CREBRF: variants seen among roughly 807,000 people sequenced by gnomAD.
The protein encoded by CREBRF is UPF0474 protein C5orf41.
CREBRF carries 5 observed loss-of-function variants against 66.1 expected under a neutral mutation model. That is an observed-to-expected ratio of 0.08 (90% confidence interval 0.04 to 0.16). The LOEUF is 0.16. Ranked by LOEUF, CREBRF falls within the 10% of genes least tolerant of loss-of-function variation. The pLI is 1.00. For synonymous variants in CREBRF, 229 were observed against 264.4 expected (o/e 0.87, Z 1.30); for missense variants, 531 against 744.9 (o/e 0.71, Z 3.34).
At chr5:173,118,598 A>G (rs926632432) in intron 7 of CREBRF, among the ~76,000 whole-genome samples, 2 of 152,172 alleles carry the variant, frequency 1.3e-5, no homozygotes, top group Non-Finnish European at 2.9e-5. Flanking sequence ...TACATTGAAA[A>G]GACTTTCCCT....
chr5:173,104,259 A>G (rs899222580), intron 4 of CREBRF, among the ~76,000 whole-genome samples: 2 of 152,222 alleles, frequency 1.3e-5, no homozygotes, highest in African/African-American at 2.4e-5. Flanking sequence ...GGGTAAAACC[A>G]TATCTCACGG....
rs1758288400 is a variant in CREBRF at position 173,090,273 on chromosome 5, C to T, written c.136-42C>T. The stretch of plus-strand genomic sequence containing the variant: ...GACATATGGAGGTGAATATTTCCTT[C>T]TGAAATATGATGTGCAATTTCTTTT... On this transcript the variant is annotated intron_variant, in intron 3 of 8. Transcript: ENST00000296953. The surrounding 1 kb of genome is among the most constrained non-coding windows in gnomAD (Gnocchi z 4.5). The T allele has an allele frequency of 6.7e-7, 1 of 1,487,518 alleles. No homozygotes were observed. Among genetic ancestry groups the T allele is most frequent in the Non-Finnish European group, 9.1e-7 (1 of 1,094,084 alleles). 92.1% of individuals were successfully genotyped at this position (1,487,518 alleles called of 1,614,324 possible).
At chr5:173,094,164 A>G (rs185054434) in intron 4 of CREBRF, among the ~76,000 whole-genome samples, 156 of 152,038 alleles carry the variant, frequency 1.0e-3, no homozygotes, top group African/African-American at 3.6e-3. Flanking sequence ...TAACTCTCAC[A>G]TTTTCTTTAT....
chr5:173,090,752 G>A lies in CREBRF; in HGVS notation c.573G>A (p.Leu191=). The change falls in exon 4 of 9, where the codon CTG becomes CTA. Residue 191 remains leucine, a synonymous_variant. Transcript: ENST00000296953. The surrounding 1 kb of genome is among the most constrained non-coding windows in gnomAD (Gnocchi z 4.5). ...CTCCTGTGTGTTCTTCTAAGACTCT[G>A]CAGGCTGAGGTCCCTTTGTCAGACT... ...AAAPVCSSKT[L]QAEVPLSDCV... is the part of the protein sequence containing the mutation. 1 of 1,614,126 alleles carries A rather than the reference G, an allele frequency of 6.2e-7. No individual in the cohort carries two copies. The highest frequency in any genetic ancestry group is 8.5e-7 in the Non-Finnish European group (1 of 1,180,016).
At chr5:173,087,812 G>A (rs1169787937) in intron 3 of CREBRF, among the ~76,000 whole-genome samples, 2 of 152,022 alleles carry the variant, frequency 1.3e-5, no homozygotes, top group Non-Finnish European at 2.9e-5. Context: ...TTTAAACATT[G>A]CTTTTATTTA....
Position 173,059,351 on chromosome 5 carries a change from G to A in CREBRF, c.-192+2872G>A, listed in dbSNP as rs920424901. On this transcript the variant is annotated intron_variant, in intron 1 of 8. Coordinates refer to ENST00000296953, the MANE Select transcript of CREBRF (RefSeq NM_153607.3). ...AAGATCTCGGCTCACTGCAATCTCCGCCTCCCGGGTTCAAGCAATTCTCCT... is the reference window on the plus strand; with the variant it reads ...AAGATCTCGGCTCACTGCAATCTCCACCTCCCGGGTTCAAGCAATTCTCCT... 3.7e-5 allele frequency among the ~76,000 whole-genome samples: 5 copies of A among 136,516 alleles called. No individual in the cohort carries two copies. In the East Asian group the frequency reaches 8.4e-4, roughly 23 times the overall value. The allele number at this position is 136,516 out of a possible 152,430, so 89.6% of individuals were successfully genotyped here. A position where few individuals can be genotyped will look rare whatever the true frequency, so the allele number is the denominator to read the frequency against.
rs1176551021 is a variant in CREBRF, at chr5:173,056,443, A to G, written c.-228A>G. ...GAGGGGCCGTGGCCCCTGCAGCGGA[A>G]CCGGACCCAGTCCCTGAGCCGCCCC... On this transcript the variant is annotated 5_prime_UTR_variant, in exon 1 of 9. Coordinates refer to ENST00000296953, the MANE Select transcript of CREBRF (RefSeq NM_153607.3). The G allele has an allele frequency of 1.3e-5, 5 of 398,126 alleles. No homozygotes were observed. The highest frequency in any genetic ancestry group is 4.4e-5 in the Admixed American group (1 of 22,712). The allele number at this position is 398,126 out of a possible 1,614,324, so 24.7% of individuals were successfully genotyped here.
intron 1 of CREBRF, among the ~76,000 whole-genome samples, chr5:173,059,178 T>G (rs1271368464): frequency 6.6e-6 from 1 of 152,026 alleles, no homozygotes; most frequent in Non-Finnish European, 1.5e-5. Flanking sequence ...AATCCCTGAT[T>G]ATTTGATAAA....
At chr5:173,092,642 C>T (rs1312211245) in intron 4 of CREBRF, among the ~76,000 whole-genome samples, 1 of 151,992 alleles carries the variant, frequency 6.6e-6, no homozygotes, top group African/African-American at 2.4e-5. Context: ...ATGATGATTG[C>T]TGGAATTTCA....
At chr5:173,092,298 GA>G in intron 4 of CREBRF, 2 of 982,332 alleles carry the variant, frequency 2.0e-6, no homozygotes, top group Non-Finnish European at 2.4e-6. Context: ...TCCTATTTAA[GA>G]AAAATACATG....
intron 4 of CREBRF, among the ~76,000 whole-genome samples, chr5:173,107,228 G>A: frequency 6.6e-6 from 1 of 152,134 alleles, no homozygotes; most frequent in Non-Finnish European, 1.5e-5. Context: ...ATGTTTTCAG[G>A]AAGGAAAAAT....
In CREBRF at chr5:173,108,612, C is replaced by A; in HGVS notation, c.1223-12C>A. The stretch of plus-strand genomic sequence containing the variant: ...TTTATGGAGCTTAAAAATTGCGGGA[C>A]CTTTTTTTAAGGCTATGAAAATGAT... On this transcript the variant is annotated splice_polypyrimidine_tract_variant and intron_variant, in intron 4 of 8. Transcript: ENST00000296953. 1 of 1,595,252 alleles carries A rather than the reference C, an allele frequency of 6.3e-7. No individual in the cohort carries two copies. The highest frequency in any genetic ancestry group is 8.5e-7 in the Non-Finnish European group (1 of 1,175,318).
intron 8 of CREBRF, among the ~76,000 whole-genome samples, chr5:173,125,368 G>GATTTATGTT (rs749578590): frequency 2.6e-5 from 4 of 151,882 alleles, no homozygotes; most frequent in Non-Finnish European, 5.9e-5. Context: ...TTCTATTTCT[G>GATTTATGTT]ATTTATGTTC....
In CREBRF at chr5:173,068,066, A is replaced by G. The variant is rs149228133; in HGVS notation, c.-192+11587A>G. On this transcript the variant is annotated intron_variant, in intron 1 of 8. Transcript: ENST00000296953. ...AATGTATATCCTCCCAGTAGAGTGC[A>G]CTTGTTAGGTCCTTTTTACCTTAGT... 3.6e-4 allele frequency: 156 copies of G among 436,542 alleles called. 2 individuals carry two copies. The highest frequency in any genetic ancestry group is 2.9e-3 in the African/African-American group (139 of 48,750). The allele number at this position is 436,542 out of a possible 1,614,324, so 27.0% of individuals were successfully genotyped here. A position where few individuals can be genotyped will look rare whatever the true frequency, so the allele number is the denominator to read the frequency against.
At chr5:173,109,114 A>G in intron 5 of CREBRF, 1 of 281,904 alleles carries the variant, frequency 3.5e-6, no homozygotes, top group Non-Finnish European at 6.5e-6. Flanking sequence ...CTGGTTTCTG[A>G]CCTGTCACAG....
intron 8 of CREBRF, chr5:173,123,577 C>T (rs1258107625): frequency 4.6e-6 from 1 of 218,830 alleles, no homozygotes; most frequent in Non-Finnish European, 8.9e-6. Context: ...AAACTTGGCT[C>T]TCTGGTTTCC....
rs746918244 is a variant in CREBRF, at chr5:173,090,437, A to C, written c.258A>C (p.Ser86=). Residue 86 remains serine (S), a synonymous_variant, in exon 4 of 9, where the codon TCA becomes TCC. Coordinates refer to ENST00000296953, the MANE Select transcript of CREBRF (RefSeq NM_153607.3). This position sits in a 1 kb window ranked among gnomAD's most constrained non-coding sequence, Gnocchi z 4.5. ...DVLDNEGALT[S]NWEQWDTYCE... is the part of the protein sequence containing the mutation. ...TGGATAATGAGGGTGCTTTAACCTC[A>C]AACTGGGAACAGTGGGATACATACT... The C allele has an allele frequency of 2.5e-6, 4 of 1,614,112 alleles. No individual in the cohort carries two copies. Among genetic ancestry groups the C allele is most frequent in the South Asian group, 1.1e-5 (1 of 91,084 alleles).
chr5:173,095,693 TTCCAA>T (rs1180927284), intron 4 of CREBRF, among the ~76,000 whole-genome samples: 6 of 152,176 alleles, frequency 3.9e-5, no homozygotes, highest in Non-Finnish European at 8.8e-5. Context: ...GTATTAATTC[TTCCAA>T]TCCATAAACA....
intron 1 of CREBRF, among the ~76,000 whole-genome samples, chr5:173,059,933 G>A (rs1490671203): frequency 6.6e-6 from 1 of 152,170 alleles, no homozygotes; most frequent in Non-Finnish European, 1.5e-5. Context: ...GCAGGTGAAA[G>A]CAAGCTTTTA....
Sources: allele counts gnomAD v4.1 joint callset (sites outside exome capture counted in the v4.1 genomes callset), GRCh38; gene constraint gnomAD v4.1.1; non-coding constraint Gnocchi (gnomAD v3.1); transcripts MANE v1.5; gene names NCBI Gene and HGNC (gene_info 2026-07-23, HGNC 2026-07-21).